The following NKTR variants were observed in gnomAD, a reference collection of about 807,000 sequenced individuals.
NKTR encodes NK-tumor recognition protein.
In NKTR, 67 loss-of-function variants were observed where a neutral mutation model predicts 156.3. The observed-to-expected ratio is 0.43, with a 90% CI of 0.35 to 0.53. The LOEUF (loss-of-function observed/expected upper bound fraction) is 0.53. Among genes scored for constraint, NKTR ranks in the 20% least tolerant of loss-of-function variants. NKTR has a pLI of 0.01. For missense variants in NKTR, 1,604 were observed against 1,730.9 expected, an observed-to-expected ratio of 0.93 and a Z score of 1.30; for synonymous variants, 640 against 596.6, an observed-to-expected ratio of 1.07 and a Z score of -1.06.
At position 42,638,005 on chromosome 3, in the gene NKTR, C is replaced by T. The variant is rs35890296; in HGVS notation, c.2301C>T (p.Ser767=). 0.14 allele frequency: 231,081 copies of T among 1,613,614 alleles called. 18,808 individuals carry two copies. The highest frequency in any genetic ancestry group is 0.3 in the African/African-American group (22,580 of 74,928). ...TTAGATCCAGTGGGAAAAAAAATAG[C>T]GTTTCACATAAAAAGCATAGCAGCA... The part of the protein sequence containing the change: ...RRLRSSGKKN[S]VSHKKHSSSS... The change falls in exon 13 of 17, where the codon AGC becomes AGT. Residue 767 remains serine (S), a synonymous_variant. Transcript: ENST00000232978.
intron 3 of NKTR, 113 bp downstream of exon 3, chr3:42,617,757 TAAAAA>T: frequency 2.2e-6 from 1 of 459,980 alleles, no homozygotes; most frequent in Non-Finnish European, 3.9e-6. Flanking sequence ...TTTTGTGAAT[TAAAAA>T]AAAAAAAGAG....
chr3:42,612,795 C>G (rs908707056), intron 2 of NKTR, among the ~76,000 whole-genome samples: 2 of 151,850 alleles, frequency 1.3e-5, no homozygotes, highest in African/African-American at 4.8e-5. Context: ...TTTCTTTTTT[C>G]TTTGTGAACG....
At chr3:42,615,082 C>CT (rs11409067) in intron 2 of NKTR, among the ~76,000 whole-genome samples, 24,903 of 143,302 alleles carry the variant, frequency 0.17, 2,487 homozygotes, top group African/African-American at 0.29. Flanking sequence ...TTTGTTTTTT[C>CT]TTTTTTTTTT....
chr3:42,639,754 A>G lies in NKTR; in HGVS notation c.4046+4A>G, dbSNP rs1250720984. The G allele has an allele frequency of 6.3e-7, 1 of 1,578,154 alleles. No individual in the cohort carries two copies. The highest frequency in any genetic ancestry group is 8.6e-7 in the Non-Finnish European group (1 of 1,157,676). ...GAAGTTCCACATCATCTTATCGGTG[A>G]GCAATATTCTCTTTCCTTTCTTCTC... On this transcript the variant is annotated splice_donor_region_variant and intron_variant, in intron 13 of 16. Coordinates refer to ENST00000232978, the MANE Select transcript of NKTR (RefSeq NM_005385.4).
intron 5 of NKTR, chr3:42,620,507 T>A: frequency 3.1e-6 from 3 of 983,522 alleles, no homozygotes; most frequent in Non-Finnish European, 3.6e-6. Flanking sequence ...TATAATAGTC[T>A]TTTATATTTC....
chr3:42,605,984 A>G (rs1037354881), intron 2 of NKTR, among the ~76,000 whole-genome samples: 3 of 152,212 alleles, frequency 2.0e-5, no homozygotes, highest in Non-Finnish European at 4.4e-5. Flanking sequence ...TTGGTATAAC[A>G]ATCGGATAAG....
Position 42,630,859 on chromosome 3 carries a change from G to A in NKTR, c.404+284G>A, listed in dbSNP as rs1708830504. The A allele has an allele frequency of 2.2e-6, 3 of 1,368,254 alleles. No homozygotes were observed. The Admixed American group carries it at 1.0e-4, about 47-fold the overall frequency. The allele number at this position is 1,368,254 out of a possible 1,614,324, so 84.8% of individuals were successfully genotyped here. On this transcript the variant is annotated intron_variant, in intron 7 of 16. Transcript: ENST00000232978. ...TCCAAAATGGGTCGGATAGTAAGCAGTACAATATCATGTGTCCCTGTAAGG... is the reference window on the plus strand; with the variant it reads ...TCCAAAATGGGTCGGATAGTAAGCAATACAATATCATGTGTCCCTGTAAGG...
At chr3:42,612,150 A>G (rs1706887973) in intron 2 of NKTR, 1 of 152,244 alleles carries the variant, frequency 6.6e-6, no homozygotes, top group Non-Finnish European at 1.5e-5. Flanking sequence ...AGAAAAGTTC[A>G]TGATATGTTA....
At position 42,638,553 on chromosome 3, in the gene NKTR, C is replaced by T; in HGVS notation, c.2849C>T (p.Ser950Leu). 6.2e-7 allele frequency: 1 copy of T among 1,613,970 alleles called. No homozygotes were observed. Among genetic ancestry groups the T allele is most frequent in the Non-Finnish European group, 8.5e-7 (1 of 1,179,958 alleles). Reference sequence around the variant, plus strand: ...CCTGATGATAATGGTGCTTGGAAATCAAGCAAACAGCGCACATCAACTTCT... The same window carrying T: ...CCTGATGATAATGGTGCTTGGAAATTAAGCAAACAGCGCACATCAACTTCT... Reference protein sequence around the residue: ...SLPDDNGAWKSSKQRTSTSDS... With the variant: ...SLPDDNGAWKLSKQRTSTSDS... The change falls in exon 13 of 17, where the codon TCA becomes TTA. Residue 950 changes from serine to leucine, a missense_variant. By Grantham distance (145) the Ser-to-Leu change is moderately radical. This residue lies in a region of NKTR where 1,255 missense variants were observed against 1,243.7 expected (regional missense o/e 1.01). Coordinates refer to ENST00000232978, the MANE Select transcript of NKTR (RefSeq NM_005385.4).
chr3:42,630,073 G>C (rs1017992561), intron 6 of NKTR: 1 of 985,928 alleles, frequency 1.0e-6, no homozygotes, highest in Non-Finnish European at 1.2e-6. Context: ...GACTGACTCA[G>C]TATGAGAAAT....
At chr3:42,623,985 T>G (rs868769460) in intron 6 of NKTR, among the ~76,000 whole-genome samples, 15 of 152,152 alleles carry the variant, frequency 9.9e-5, no homozygotes, top group Admixed American at 2.0e-4. Flanking sequence ...TTGGTGCTGT[T>G]AGTATGGGTA....
At chr3:42,621,139 T>G (rs1707863419) in intron 5 of NKTR, 10 of 1,004,920 alleles carry the variant, frequency 1.0e-5, no homozygotes, top group Non-Finnish European at 1.2e-5. Flanking sequence ...AGTTAATAAT[T>G]TAAATATCAT....
At chr3:42,624,352 T>TG (rs1708181018) in intron 6 of NKTR, among the ~76,000 whole-genome samples, 1 of 152,000 alleles carries the variant, frequency 6.6e-6, no homozygotes, top group African/African-American at 2.4e-5. Flanking sequence ...AAAGAAACAG[T>TG]GGTTTTATTT....
chr3:42,621,400 A>G (rs777518100), intron 5 of NKTR, 29 bp from the exon 6 acceptor site: 1 of 1,587,018 alleles, frequency 6.3e-7, no homozygotes. Flanking sequence ...ATAATTGGAG[A>G]CTGACAAATT....
chr3:42,621,167 C>G, intron 5 of NKTR: 1 of 1,047,988 alleles, frequency 9.5e-7, no homozygotes, highest in South Asian at 4.3e-5. Context: ...AAGTATGTTA[C>G]TACTAAAAGT....
At position 42,618,307 on chromosome 3, in the gene NKTR, C is replaced by T. The variant is rs568638408; in HGVS notation, c.133+663C>T. Among the ~76,000 whole-genome samples the T allele has an allele frequency of 4.4e-3, 652 of 148,292 alleles. 4 individuals carry two copies. Among genetic ancestry groups the T allele is most frequent in the African/African-American group, 0.015 (614 of 40,122 alleles). On this transcript the variant is annotated intron_variant, in intron 3 of 16. Transcript: ENST00000232978. ...CGGAGCTTGCAATGAGCCAAGATTG[C>T]GCCATTGCACTCCAGCCTGGGGGAC...
chr3:42,601,084 G>T lies in NKTR; in HGVS notation c.58+20G>T, dbSNP rs753562471. On this transcript the variant is annotated intron_variant, in intron 2 of 16. Coordinates refer to ENST00000232978, the MANE Select transcript of NKTR (RefSeq NM_005385.4). ...AGCCGGGTGAGCTGGAAACTGGGGAGCGCTGCTGGGGCCGAGGCCTGCCTT... is the reference window on the plus strand; with the variant it reads ...AGCCGGGTGAGCTGGAAACTGGGGATCGCTGCTGGGGCCGAGGCCTGCCTT... 1.9e-6 allele frequency: 3 copies of T among 1,551,298 alleles called. No homozygotes were observed. The highest frequency in any genetic ancestry group is 2.4e-5 in the South Asian group (2 of 83,342).
rs1709591974 is a variant in NKTR at position 42,638,267 on chromosome 3, C to T, written c.2563C>T (p.His855Tyr). The change falls in exon 13 of 17, where the codon CAT becomes TAT. Residue 855 changes from histidine (H) to tyrosine (Y), a missense_variant. By Grantham distance (83) the His-to-Tyr change is moderately conservative (BLOSUM62 2). Coordinates refer to ENST00000232978, the MANE Select transcript of NKTR (RefSeq NM_005385.4). ...ATCCAAGTCTGAACGGGAATGCCCT[C>T]ATTCAAAAAAAAGAACTTTGAAAGA... ...EKSKSERECP[H>Y]SKKRTLKENL... 1 of 1,606,706 alleles carries T rather than the reference C, an allele frequency of 6.2e-7. No homozygotes were observed. The highest frequency in any genetic ancestry group is 1.4e-5 in the African/African-American group (1 of 74,066).
chr3:42,642,577 C>T lies in NKTR; in HGVS notation c.4123C>T (p.Arg1375Trp), dbSNP rs767929692. 1.2e-5 allele frequency: 20 copies of T among 1,613,862 alleles called. No individual in the cohort carries two copies. The highest frequency in any genetic ancestry group is 2.2e-5 in the South Asian group (2 of 91,084). The stretch of plus-strand genomic sequence containing the variant: ...AACCAGAAGCCGGAGCAGTTCCTAC[C>T]GGAGTTACAAAAGTCACAGGTGAGC... ...GRTRSRSSSY[R>W]SYKSHRTSSR... Residue 1375 changes from arginine (R) to tryptophan (W), a missense_variant, in exon 14 of 17, where the codon CGG (arginine) becomes TGG (tryptophan). Arg to Trp is a moderately radical substitution (Grantham distance 101). Coordinates refer to ENST00000232978, the MANE Select transcript of NKTR (RefSeq NM_005385.4).
Sources: allele counts gnomAD v4.1 joint callset (sites outside exome capture counted in the v4.1 genomes callset), GRCh38; gene constraint gnomAD v4.1.1; regional missense constraint gnomAD v4.1.1; transcripts MANE v1.5; gene names NCBI Gene and HGNC (gene_info 2026-07-23, HGNC 2026-07-21).